Variants in C10orf67 observed in about 807,000 individuals in gnomAD.
The protein encoded by C10orf67 is chromosome 10 open reading frame 67, also known as uncharacterized protein C10orf67, mitochondrial.
In C10orf67, 60 loss-of-function variants were observed where a neutral mutation model predicts 35.6. The observed-to-expected ratio is 1.68, with a 90% confidence interval of 1.37 to 2.09. The LOEUF is 2.09. Among genes scored for constraint, C10orf67 ranks in the 30% most tolerant of loss-of-function variants. The pLI, the probability that C10orf67 is intolerant of heterozygous loss-of-function variation, is 0.00. For synonymous variants in C10orf67, 167 were observed against 115.8 expected, an observed-to-expected ratio of 1.44 and a Z score of -2.84; for missense variants, 474 against 330.2, an observed-to-expected ratio of 1.44 and a Z score of -3.38.
At chr10:23,318,978 GTC>G in intron 4 of C10orf67, 4 of 741,102 alleles carry the variant, frequency 5.4e-6, no homozygotes, top group South Asian at 4.3e-5. Flanking sequence ...AAAAGAAAGG[GTC>G]TTCCATGAGA....
At chr10:23,316,876 C>T (rs998192399) in intron 4 of C10orf67, 3 of 152,264 alleles carry the variant, frequency 2.0e-5, no homozygotes, top group Admixed American at 2.0e-4. Flanking sequence ...GGGGAGGAAG[C>T]TCATGCTGAT....
chr10:23,309,366 T>C (rs1456354224), intron 4 of C10orf67, among the ~76,000 whole-genome samples: 1 of 151,928 alleles, frequency 6.6e-6, no homozygotes, highest in African/African-American at 2.4e-5. Flanking sequence ...AGGACGAAAA[T>C]AATGGACACT....
Position 23,225,550 on chromosome 10 carries a change from C to T in C10orf67, c.1435-1732G>A, listed in dbSNP as rs138684278. On this transcript the variant is annotated intron_variant, in intron 13 of 15. Transcript: ENST00000636213. ...ACCATAAATGTAAATGGGCTAAATGCTCCAATTAAAAGACACAGACTGGCA... is the reference window on the plus strand; with the variant it reads ...ACCATAAATGTAAATGGGCTAAATGTTCCAATTAAAAGACACAGACTGGCA... 3.0e-3 allele frequency among the ~76,000 whole-genome samples: 457 copies of T among 152,244 alleles called. 12 individuals carry two copies. In the East Asian group the frequency reaches 0.05, roughly 17 times the overall value.
At chr10:23,289,538 C>T (rs1330243744) in intron 7 of C10orf67, among the ~76,000 whole-genome samples, 1 of 152,216 alleles carries the variant, frequency 6.6e-6, no homozygotes, top group Non-Finnish European at 1.5e-5. Flanking sequence ...AAGCCCAGCT[C>T]ATTCATGAAC....
In C10orf67 at chr10:23,307,742, A is replaced by G. The variant is rs138157091; in HGVS notation, c.547-4283T>C. On this transcript the variant is annotated intron_variant, in intron 4 of 15. Coordinates refer to ENST00000636213, the MANE Select transcript of C10orf67 (RefSeq NM_001371909.1). ...ACCTCTGCCTCCACCTCTGCCTCCA[A>G]AGTAGCTGAGACTTCAGGCACATAC... Among the ~76,000 whole-genome samples the G allele has an allele frequency of 3.2e-3, 490 of 151,774 alleles. 4 individuals are homozygous for G. Among genetic ancestry groups the G allele is most frequent in the African/African-American group, 0.011 (465 of 41,380 alleles).
At chr10:23,333,418 T>C (rs957773889) in intron 1 of C10orf67, among the ~76,000 whole-genome samples, 1 of 152,204 alleles carries the variant, frequency 6.6e-6, no homozygotes, top group Admixed American at 6.5e-5. Flanking sequence ...TTTCCACTTT[T>C]CTGAGATATG....
intron 5 of C10orf67, among the ~76,000 whole-genome samples, chr10:23,299,888 G>A (rs1028766030): frequency 6.6e-5 from 10 of 151,836 alleles, no homozygotes; most frequent in African/African-American, 2.4e-4. Context: ...TGAGGCAGGA[G>A]AATGGCGCGA....
chr10:23,327,410 A>C (rs532235747), intron 2 of C10orf67, among the ~76,000 whole-genome samples: 2 of 152,356 alleles, frequency 1.3e-5, no homozygotes, highest in Middle Eastern at 3.4e-3. Context: ...ACGATTTACC[A>C]GGTAAATACT....
chr10:23,338,854 A>T (rs1281180226), intron 1 of C10orf67, among the ~76,000 whole-genome samples: 2 of 152,178 alleles, frequency 1.3e-5, no homozygotes, highest in African/African-American at 4.8e-5. Flanking sequence ...ACAAAAAAAT[A>T]AAAATAAAAA....
At chr10:23,260,370 G>A (rs911585223) in intron 10 of C10orf67, among the ~76,000 whole-genome samples, 5 of 151,734 alleles carry the variant, frequency 3.3e-5, no homozygotes, top group Admixed American at 6.6e-5. Flanking sequence ...ATTCATTGCC[G>A]GCAGACCAAA....
intron 1 of C10orf67, among the ~76,000 whole-genome samples, chr10:23,335,851 C>T (rs2132403335): frequency 6.6e-6 from 1 of 152,282 alleles, no homozygotes; most frequent in African/African-American, 2.4e-5. Context: ...TAAATGTTCC[C>T]CCAAATACAT....
At chr10:23,275,257 G>A (rs571136523) in intron 8 of C10orf67, among the ~76,000 whole-genome samples, 1 of 152,272 alleles carries the variant, frequency 6.6e-6, no homozygotes, top group East Asian at 1.9e-4. Context: ...GGCTGAGGTG[G>A]GAGGATTGCT....
chr10:23,306,584 A>T (rs1272311554), intron 4 of C10orf67, among the ~76,000 whole-genome samples: 1 of 151,684 alleles, frequency 6.6e-6, no homozygotes, highest in Non-Finnish European at 1.5e-5. Flanking sequence ...GAGCACAGGG[A>T]AAATGGGGAG....
chr10:23,273,128 T>A (rs1372654198), intron 8 of C10orf67, among the ~76,000 whole-genome samples: 1 of 152,230 alleles, frequency 6.6e-6, no homozygotes, highest in Non-Finnish European at 1.5e-5. Context: ...GTCTGGGAAT[T>A]TAAAAAGTTC....
At chr10:23,318,914 A>G (rs771909229) in intron 4 of C10orf67, 2 of 777,220 alleles carry the variant, frequency 2.6e-6, no homozygotes, top group African/African-American at 3.4e-5. Flanking sequence ...TTGGTTTCAC[A>G]GTGGCTGCAG....
At chr10:23,233,009 T>G (rs1285152407) in intron 13 of C10orf67, among the ~76,000 whole-genome samples, 1 of 152,004 alleles carries the variant, frequency 6.6e-6, no homozygotes, top group Admixed American at 6.6e-5. Flanking sequence ...ATAAAAAAAT[T>G]AGCCAAGTGT....
At chr10:23,330,150 G>A (rs1205954494) in intron 2 of C10orf67, among the ~76,000 whole-genome samples, 1 of 152,114 alleles carries the variant, frequency 6.6e-6, no homozygotes, top group African/African-American at 2.4e-5. Context: ...TCAGATTTTG[G>A]TTCAGCTATA....
At chr10:23,225,379 T>C (rs545698381) in intron 13 of C10orf67, among the ~76,000 whole-genome samples, 32 of 152,132 alleles carry the variant, frequency 2.1e-4, no homozygotes, top group Non-Finnish European at 4.1e-4. Flanking sequence ...GTGCTAAACA[T>C]AGAAAGGAAC....
chr10:23,240,438 G>A (rs978319825), intron 12 of C10orf67, among the ~76,000 whole-genome samples: 4 of 152,150 alleles, frequency 2.6e-5, no homozygotes, highest in Non-Finnish European at 5.9e-5. Flanking sequence ...GTCATCAAAG[G>A]TTATGTCAAA....
Sources: allele counts gnomAD v4.1 joint callset (sites outside exome capture counted in the v4.1 genomes callset), GRCh38; gene constraint gnomAD v4.1.1; transcripts MANE v1.5; gene names NCBI Gene and HGNC (gene_info 2026-07-23, HGNC 2026-07-21).